FCHSD2: variants seen among roughly 807,000 people sequenced by gnomAD.
FCHSD2 encodes the protein FCH and double SH3 domains 2, also known as F-BAR and double SH3 domains protein 2.
In FCHSD2, 38 loss-of-function variants were observed where a neutral mutation model predicts 108.1. That is an observed-to-expected ratio of 0.35 (90% CI 0.27 to 0.46). FCHSD2 has a LOEUF of 0.46. Ranked by LOEUF, FCHSD2 falls within the 20% of genes least tolerant of loss-of-function variation. The pLI is 1.00. For missense variants in FCHSD2, 751 were observed against 897.8 expected (o/e 0.84, Z 2.09); for synonymous variants, 279 against 314.7 (o/e 0.89, Z 1.20).
rs55633850 is a variant in FCHSD2 at position 73,052,599 on chromosome 11, A to G, written c.165+31096T>C. On this transcript the variant is annotated intron_variant, in intron 3 of 19. Coordinates refer to ENST00000409418, the MANE Select transcript of FCHSD2 (RefSeq NM_014824.3). ...TGGTTGTCAAGGAGAAACACTGTCG[A>G]AAATAAACAATGAAACAAATTCTTA... Among the ~76,000 whole-genome samples, 272 of 152,350 alleles carry G rather than the reference A, an allele frequency of 1.8e-3. 4 individuals are homozygous for G. Among genetic ancestry groups the G allele is most frequent in the African/African-American group, 6.4e-3 (265 of 41,576 alleles).
chr11:73,132,071 C>T (rs181496436), intron 2 of FCHSD2, among the ~76,000 whole-genome samples: 1 of 152,286 alleles, frequency 6.6e-6, no homozygotes, highest in East Asian at 1.9e-4. Flanking sequence ...GATTTTCTTA[C>T]AAGATTGCTG....
chr11:73,084,064 A>T (rs1430837174), intron 2 of FCHSD2, among the ~76,000 whole-genome samples: 1 of 152,232 alleles, frequency 6.6e-6, no homozygotes, highest in Non-Finnish European at 1.5e-5. Context: ...TAGTTACTTG[A>T]AATACATAAA....
Position 72,883,725 on chromosome 11 carries a change from G to GT in FCHSD2, c.1146+3744dup, listed in dbSNP as rs1315001621. Among the ~76,000 whole-genome samples, 9 of 152,246 alleles carry GT rather than the reference G, an allele frequency of 5.9e-5. No individual in the cohort carries two copies. The East Asian group carries it at 1.7e-3, about 29-fold the overall frequency. On this transcript the variant is annotated intron_variant, in intron 12 of 19. Transcript: ENST00000409418. ...GGCAGGCAGATTGCTTGACCCACGA[G>GT]TTTGAGACCAGCCTGGGCAACATGG...
chr11:73,098,858 C>G (rs1860151769), intron 2 of FCHSD2, among the ~76,000 whole-genome samples: 1 of 152,174 alleles, frequency 6.6e-6, no homozygotes, highest in Admixed American at 6.6e-5. Flanking sequence ...TTTTGCAATG[C>G]ATTCCTAGAT....
intron 3 of FCHSD2, among the ~76,000 whole-genome samples, chr11:73,032,985 A>G (rs1366553920): frequency 6.6e-6 from 1 of 152,122 alleles, no homozygotes; most frequent in African/African-American, 2.4e-5. Flanking sequence ...TGTGGGAAAC[A>G]TGGATTAAGA....
intron 2 of FCHSD2, among the ~76,000 whole-genome samples, chr11:73,095,663 C>T (rs770599152): frequency 6.6e-6 from 1 of 152,154 alleles, no homozygotes; most frequent in African/African-American, 2.4e-5. Flanking sequence ...TACCTTTGTA[C>T]AAGCATACTT....
chr11:73,041,384 A>G (rs1371450505), intron 3 of FCHSD2, among the ~76,000 whole-genome samples: 1 of 152,192 alleles, frequency 6.6e-6, no homozygotes, highest in African/African-American at 2.4e-5. Flanking sequence ...CATCCTTGCC[A>G]ACAGTTTTTT....
intron 3 of FCHSD2, among the ~76,000 whole-genome samples, chr11:73,078,258 T>C (rs1859602137): frequency 6.6e-6 from 1 of 152,186 alleles, no homozygotes; most frequent in African/African-American, 2.4e-5. Flanking sequence ...TGTCAACTGG[T>C]ACAGTCACTT....
intron 12 of FCHSD2, among the ~76,000 whole-genome samples, chr11:72,873,942 G>C (rs971171759): frequency 1.3e-5 from 2 of 152,096 alleles, no homozygotes; most frequent in Non-Finnish European, 2.9e-5. Flanking sequence ...TCCAAAAAAG[G>C]ATACTACCGT....
intron 8 of FCHSD2, among the ~76,000 whole-genome samples, chr11:72,968,234 T>C (rs933616867): frequency 2.0e-5 from 3 of 152,224 alleles, no homozygotes; most frequent in Non-Finnish European, 2.9e-5. Flanking sequence ...CCAAAATTAC[T>C]TTCTGAACAA....
intron 2 of FCHSD2, among the ~76,000 whole-genome samples, chr11:73,131,015 T>TG (rs1860983783): frequency 6.6e-6 from 1 of 152,206 alleles, no homozygotes; most frequent in Non-Finnish European, 1.5e-5. Context: ...GAAGCAACTA[T>TG]GATTGTTGAA....
At chr11:72,847,075 C>A (rs1292106494) in intron 14 of FCHSD2, among the ~76,000 whole-genome samples, 1 of 152,210 alleles carries the variant, frequency 6.6e-6, no homozygotes, top group Non-Finnish European at 1.5e-5. Context: ...TGGCTCACTG[C>A]AGCCTCGATC....
At chr11:73,094,013 C>A (rs1431386888) in intron 2 of FCHSD2, among the ~76,000 whole-genome samples, 4 of 152,026 alleles carry the variant, frequency 2.6e-5, no homozygotes, top group African/African-American at 9.7e-5. Flanking sequence ...GAGTTCAAGC[C>A]CAGCCTGGCC....
intron 10 of FCHSD2, among the ~76,000 whole-genome samples, chr11:72,900,793 A>G (rs1855511280): frequency 6.6e-6 from 1 of 152,220 alleles, no homozygotes; most frequent in Non-Finnish European, 1.5e-5. Context: ...AAAAGTAATG[A>G]AGATATCGCT....
intron 9 of FCHSD2, among the ~76,000 whole-genome samples, chr11:72,913,847 C>T (rs1226624912): frequency 7.7e-6 from 1 of 129,426 alleles, no homozygotes. Flanking sequence ...AAAAAAAAAA[C>T]CCTAGAAATA....
intron 3 of FCHSD2, among the ~76,000 whole-genome samples, chr11:73,051,158 C>CT (rs1483022384): frequency 2.0e-5 from 3 of 152,050 alleles, no homozygotes; most frequent in African/African-American, 7.2e-5. Flanking sequence ...CTCTACCAAA[C>CT]TTTAAAAATT....
At chr11:72,912,484 T>G (rs935202409) in intron 9 of FCHSD2, among the ~76,000 whole-genome samples, 11 of 152,256 alleles carry the variant, frequency 7.2e-5, no homozygotes, top group Admixed American at 2.6e-4. Context: ...CACTTGGTCA[T>G]GATGAATAAT....
chr11:73,071,541 A>G (rs868253391), intron 3 of FCHSD2, among the ~76,000 whole-genome samples: 1 of 151,748 alleles, frequency 6.6e-6, no homozygotes, highest in Non-Finnish European at 1.5e-5. Context: ...AATACAAAAA[A>G]AAAAAAAAAA....
At chr11:73,060,139 G>A (rs1859126262) in intron 3 of FCHSD2, among the ~76,000 whole-genome samples, 1 of 152,204 alleles carries the variant, frequency 6.6e-6, no homozygotes, top group Non-Finnish European at 1.5e-5. Context: ...TGTATAAGGA[G>A]TTAGTCACCC....
Sources: gnomAD v4.1 joint callset for allele counts (sites outside exome capture counted in the v4.1 genomes callset) on GRCh38, gnomAD v4.1.1 for gene constraint, MANE v1.5 for transcripts, NCBI Gene and HGNC (gene_info 2026-07-23, HGNC 2026-07-21) for gene names.